CACNA2D1: variants seen among roughly 807,000 people sequenced by gnomAD.
The protein encoded by CACNA2D1 is calcium voltage-gated channel auxiliary subunit alpha2delta 1, also known as voltage-dependent calcium channel subunit alpha-2/delta-1.
A neutral mutation model predicts 171.5 loss-of-function variants in CACNA2D1; 53 were observed. The ratio of observed to expected loss-of-function variants is 0.31; its 90% CI spans 0.25 to 0.39. CACNA2D1 has a LOEUF of 0.39. CACNA2D1 is among the 10% of genes least tolerant of loss of function. The pLI is 1.00. For missense variants in CACNA2D1, 903 were observed against 1,299.8 expected, an observed-to-expected ratio of 0.69 and a Z score of 4.69; for synonymous variants, 442 against 443.1, an observed-to-expected ratio of 1.00 and a Z score of 0.03.
intron 3 of CACNA2D1, among the ~76,000 whole-genome samples, chr7:82,186,623 T>G (rs1323774874): frequency 6.6e-6 from 1 of 152,132 alleles, no homozygotes; most frequent in African/African-American, 2.4e-5. Flanking sequence ...AGAAATATTT[T>G]TAGGTAAACA....
intron 3 of CACNA2D1, among the ~76,000 whole-genome samples, chr7:82,238,010 T>G (rs1803814012): frequency 6.6e-6 from 1 of 151,990 alleles, no homozygotes; most frequent in African/African-American, 2.4e-5. Flanking sequence ...ATCTCATATA[T>G]ATTACAATCC....
intron 3 of CACNA2D1, among the ~76,000 whole-genome samples, chr7:82,234,344 A>G (rs1201991094): frequency 6.6e-6 from 1 of 152,114 alleles, no homozygotes; most frequent in Non-Finnish European, 1.5e-5. Context: ...AGATTCAACA[A>G]CCTAAAAAAT....
chr7:82,254,637 GTTGTGTGGCCT>G (rs1806074103), intron 3 of CACNA2D1, among the ~76,000 whole-genome samples: 1 of 152,032 alleles, frequency 6.6e-6, no homozygotes, highest in African/African-American at 2.4e-5. Context: ...ATCCCTTTAG[GTTGTGTGGCCT>G]TTCTTTGCCT....
intron 6 of CACNA2D1, among the ~76,000 whole-genome samples, chr7:82,116,675 ATGCAAGAATATTTT>A (rs1261985914): frequency 6.6e-6 from 1 of 152,206 alleles, no homozygotes; most frequent in African/African-American, 2.4e-5. Context: ...TTACCCATTT[ATGCAAGAATATTTT>A]TGCATGTGTG....
intron 5 of CACNA2D1, among the ~76,000 whole-genome samples, chr7:82,125,536 CT>C (rs369932989): frequency 9.9e-5 from 15 of 151,948 alleles, no homozygotes; most frequent in East Asian, 5.8e-4. Context: ...ACATTGCTAG[CT>C]TTTTTTTCCC....
intron 1 of CACNA2D1, among the ~76,000 whole-genome samples, chr7:82,419,041 C>T (rs566680832): frequency 3.7e-4 from 56 of 150,608 alleles, no homozygotes; most frequent in African/African-American, 1.2e-3. Context: ...ACCCGAGAGG[C>T]GGAGCTTGCA....
intron 4 of CACNA2D1, among the ~76,000 whole-genome samples, chr7:82,157,512 C>A (rs1427339488): frequency 6.6e-6 from 1 of 151,978 alleles, no homozygotes; most frequent in Non-Finnish European, 1.5e-5. Context: ...ATTTATGAAT[C>A]AGAACGTCAG....
intron 20 of CACNA2D1, 74 bp from the exon 21 acceptor site, chr7:81,991,320 A>T (rs1184316014): frequency 1.0e-5 from 8 of 795,056 alleles, no homozygotes; most frequent in African/African-American, 1.7e-5. Context: ...AAGCCGTAGA[A>T]TTTACTTATA....
chr7:81,985,951 C>G (rs1796918013), intron 21 of CACNA2D1, among the ~76,000 whole-genome samples: 1 of 152,124 alleles, frequency 6.6e-6, no homozygotes, highest in Non-Finnish European at 1.5e-5. Flanking sequence ...GGCAGGTAAT[C>G]TTACTTATTT....
chr7:82,386,858 G>T (rs998500225), intron 1 of CACNA2D1, among the ~76,000 whole-genome samples: 2 of 151,636 alleles, frequency 1.3e-5, no homozygotes, highest in African/African-American at 4.8e-5. Context: ...TCCATTTAAA[G>T]ACTCTATATG....
intron 3 of CACNA2D1, among the ~76,000 whole-genome samples, chr7:82,211,322 C>G (rs1344457648): frequency 1.3e-5 from 2 of 152,110 alleles, no homozygotes; most frequent in African/African-American, 4.8e-5. Flanking sequence ...AGTGAGCACA[C>G]TACCCAATTG....
At chr7:82,140,643 T>G (rs768990888) in intron 4 of CACNA2D1, among the ~76,000 whole-genome samples, 33 of 152,040 alleles carry the variant, frequency 2.2e-4, no homozygotes, top group Non-Finnish European at 3.8e-4. Flanking sequence ...AAGTCTCAGT[T>G]CATATTTTCT....
intron 3 of CACNA2D1, among the ~76,000 whole-genome samples, chr7:82,175,506 T>A (rs1305666429): frequency 6.6e-6 from 1 of 152,074 alleles, no homozygotes; most frequent in Non-Finnish European, 1.5e-5. Context: ...ACTATCTTCA[T>A]CAAACGGTTC....
chr7:82,248,703 G>T (rs966459675), intron 3 of CACNA2D1, among the ~76,000 whole-genome samples: 1 of 152,018 alleles, frequency 6.6e-6, no homozygotes, highest in African/African-American at 2.4e-5. Context: ...GAGCATTGAT[G>T]CAGTAGATCA....
rs560722866 is a variant in CACNA2D1, at chr7:82,365,862, A to T, written c.96-16213T>A. On this transcript the variant is annotated intron_variant, in intron 1 of 38. Coordinates refer to ENST00000356860, the MANE Select transcript of CACNA2D1 (RefSeq NM_000722.4). ...ATTGCACAATTTGCATGACCCTCCT[A>T]GTTATTTTCTCCTGAACACAGTTAG... Among the ~76,000 whole-genome samples the T allele has an allele frequency of 7.9e-5, 12 of 152,308 alleles. No individual in the cohort carries two copies. The South Asian group carries it at 2.5e-3, about 32-fold the overall frequency.
chr7:82,323,232 G>C (rs796662636), intron 3 of CACNA2D1, among the ~76,000 whole-genome samples: 2 of 151,650 alleles, frequency 1.3e-5, no homozygotes, highest in Non-Finnish European at 2.9e-5. Context: ...TCAGATCAGA[G>C]CATTTCTGTT....
rs939609635 is a variant in CACNA2D1 at position 82,124,675 on chromosome 7, C to T, written c.397-7502G>A. On this transcript the variant is annotated intron_variant, in intron 5 of 38. Transcript: ENST00000356860. ...AGCTCTTGATCCACTTGCTCAAGCCCGCTCCTACTCTGTGGAGTGTACTTT... is the reference window on the plus strand; with the variant it reads ...AGCTCTTGATCCACTTGCTCAAGCCTGCTCCTACTCTGTGGAGTGTACTTT... Among the ~76,000 whole-genome samples, 9 of 152,218 alleles carry T rather than the reference C, an allele frequency of 5.9e-5. No individual in the cohort carries two copies. In the South Asian group the frequency reaches 1.5e-3, roughly 25 times the overall value.
intron 1 of CACNA2D1, among the ~76,000 whole-genome samples, chr7:82,390,303 C>A (rs1226550424): frequency 6.6e-6 from 1 of 152,072 alleles, no homozygotes; most frequent in East Asian, 1.9e-4. Context: ...CTGACGTGAT[C>A]ATTATACACT....
rs10255381 is a variant in CACNA2D1, at chr7:82,195,598, G to A, written c.295-24989C>T. 5.0e-3 allele frequency among the ~76,000 whole-genome samples: 754 copies of A among 151,390 alleles called. 4 individuals carry two copies. Among genetic ancestry groups the A allele is most frequent in the African/African-American group, 0.018 (730 of 41,252 alleles). On this transcript the variant is annotated intron_variant, in intron 3 of 38. Transcript: ENST00000356860. ...TCTTCTTTGCCAGGTGAAATCTCCTGTCTCTAACCCAACATGTTATCTCTC... is the reference window on the plus strand; with the variant it reads ...TCTTCTTTGCCAGGTGAAATCTCCTATCTCTAACCCAACATGTTATCTCTC...
Sources: gnomAD v4.1 joint callset for allele counts (sites outside exome capture counted in the v4.1 genomes callset) on GRCh38, gnomAD v4.1.1 for gene constraint, MANE v1.5 for transcripts, NCBI Gene and HGNC (gene_info 2026-07-23, HGNC 2026-07-21) for gene names.